RICTOR: variants seen among roughly 807,000 people sequenced by gnomAD.
RICTOR encodes RPTOR independent companion of MTOR complex 2.
In RICTOR, 49 loss-of-function variants were observed where a neutral mutation model predicts 214.9. That is an observed-to-expected ratio of 0.23 (90% CI 0.18 to 0.29). The LOEUF (loss-of-function observed/expected upper bound fraction) is 0.29. RICTOR is among the 10% of genes least tolerant of loss of function. RICTOR has a pLI of 1.00. For synonymous variants in RICTOR, 717 were observed against 711.3 expected (o/e 1.01, Z -0.13); for missense variants, 1,625 against 2,047.0 (o/e 0.79, Z 3.98).
chr5:39,004,782 T>TC (rs1242116955), intron 3 of RICTOR, among the ~76,000 whole-genome samples: 3 of 137,958 alleles, frequency 2.2e-5, no homozygotes, highest in African/African-American at 8.5e-5. Flanking sequence ...GACTCTTTTT[T>TC]TTTTTTTTTT....
At chr5:39,068,800 T>C (rs1759090749) in intron 2 of RICTOR, among the ~76,000 whole-genome samples, 1 of 152,172 alleles carries the variant, frequency 6.6e-6, no homozygotes, top group Non-Finnish European at 1.5e-5. Context: ...AAGCAGCAGA[T>C]CTCTAGCTTG....
intron 9 of RICTOR, among the ~76,000 whole-genome samples, chr5:38,977,444 A>G (rs1751330688): frequency 6.6e-6 from 1 of 152,186 alleles, no homozygotes; most frequent in Admixed American, 6.5e-5. Flanking sequence ...AGGGCCTTAC[A>G]AATTCCGATT....
chr5:38,973,888 C>A (rs777117278), intron 10 of RICTOR, among the ~76,000 whole-genome samples: 10 of 152,120 alleles, frequency 6.6e-5, no homozygotes, highest in Non-Finnish European at 1.3e-4. Flanking sequence ...AATAATGTTA[C>A]AAGTACACAA....
At chr5:39,003,106 C>T (rs1454590301) in intron 4 of RICTOR, among the ~76,000 whole-genome samples, 2 of 152,148 alleles carry the variant, frequency 1.3e-5, no homozygotes, top group East Asian at 3.9e-4. Flanking sequence ...CAATAGCAGG[C>T]ACAGACCTTT....
At chr5:39,070,691 C>T (rs1759257423) in intron 2 of RICTOR, among the ~76,000 whole-genome samples, 1 of 152,140 alleles carries the variant, frequency 6.6e-6, no homozygotes, top group Admixed American at 6.5e-5. Context: ...TGGGAATTCA[C>T]TTTGAACACA....
Position 38,946,521 on chromosome 5 carries a change from T to C in RICTOR, c.4346A>G (p.Asn1449Ser), listed in dbSNP as rs1748216066. The C allele has an allele frequency of 6.2e-7, 1 of 1,610,506 alleles. No homozygotes were observed. Among genetic ancestry groups the C allele is most frequent in the African/African-American group, 1.3e-5 (1 of 74,846 alleles). Residue 1449 changes from asparagine to serine, a missense_variant, in exon 33 of 38, where the codon AAC becomes AGC. Asn to Ser is a conservative substitution (Grantham distance 46). Around this residue, in one of 5 missense-constraint regions of RICTOR, gnomAD observed 1,214 missense variants for 1,470.5 expected, o/e 0.83. Coordinates refer to ENST00000357387, the MANE Select transcript of RICTOR (RefSeq NM_152756.5). The stretch of plus-strand genomic sequence containing the variant: ...ACCTCGATCATCATGTGGTGGTATG[T>C]TTTTTGTCTGAAAATAGGGAATATC... ...VKDIPYFQTK[N>S]IPPHDDRGAR...
At chr5:39,058,964 A>C (rs1758369913) in intron 2 of RICTOR, among the ~76,000 whole-genome samples, 1 of 152,146 alleles carries the variant, frequency 6.6e-6, no homozygotes, top group Admixed American at 6.5e-5. Context: ...GTTCAATGAA[A>C]AGTTCAGGCT....
chr5:38,949,377 G>A (rs747591332), intron 31 of RICTOR: 34 of 1,587,752 alleles, frequency 2.1e-5, no homozygotes, highest in South Asian at 1.7e-4. Flanking sequence ...GTTTGTTATT[G>A]TAGGTCTTAA....
intron 2 of RICTOR, among the ~76,000 whole-genome samples, chr5:39,064,725 G>T (rs1758779890): frequency 6.6e-6 from 1 of 152,148 alleles, no homozygotes; most frequent in Non-Finnish European, 1.5e-5. Context: ...AATTTAAAGT[G>T]CTATGAAATA....
At chr5:39,070,473 C>T (rs1014852091) in intron 2 of RICTOR, among the ~76,000 whole-genome samples, 1 of 150,850 alleles carries the variant, frequency 6.6e-6, no homozygotes, top group African/African-American at 2.5e-5. Context: ...GAGACTCCGT[C>T]TCAAATAAAA....
chr5:39,044,165 C>A (rs1441000928), intron 2 of RICTOR, among the ~76,000 whole-genome samples: 1 of 151,994 alleles, frequency 6.6e-6, no homozygotes, highest in African/African-American at 2.4e-5. Flanking sequence ...TTAAAATATA[C>A]CAAGCTCTGT....
At chr5:39,041,052 G>T (rs1326799431) in intron 2 of RICTOR, among the ~76,000 whole-genome samples, 2 of 152,216 alleles carry the variant, frequency 1.3e-5, no homozygotes, top group Non-Finnish European at 2.9e-5. Flanking sequence ...TCTGTTTACA[G>T]ATGCATCCTG....
At chr5:38,994,139 G>C (rs373819117) in intron 6 of RICTOR, among the ~76,000 whole-genome samples, 3 of 151,846 alleles carry the variant, frequency 2.0e-5, no homozygotes, top group African/African-American at 4.8e-5. Flanking sequence ...GCAGTGAGCC[G>C]AGATTGCACC....
intron 3 of RICTOR, among the ~76,000 whole-genome samples, chr5:39,008,336 A>T (rs1754232010): frequency 6.6e-6 from 1 of 152,136 alleles, no homozygotes; most frequent in Non-Finnish European, 1.5e-5. Context: ...GAATACACAC[A>T]GAAGTAACAA....
In RICTOR at chr5:38,989,668, C is replaced by T. The variant is rs1310331769; in HGVS notation, c.583+1281G>A. 2.0e-5 allele frequency among the ~76,000 whole-genome samples: 3 copies of T among 151,850 alleles called. No homozygotes were observed. In the South Asian group the frequency reaches 6.2e-4, roughly 32 times the overall value. ...AAACAAATTTACAAGAAAAAAACAA[C>T]CCCATCAAAAAGTGGGCAAAGGATA... On this transcript the variant is annotated intron_variant, in intron 7 of 37. Coordinates refer to ENST00000357387, the MANE Select transcript of RICTOR (RefSeq NM_152756.5).
At position 38,938,124 on chromosome 5, in the gene RICTOR, A is replaced by G; in HGVS notation, c.*4180T>C. The stretch of plus-strand genomic sequence containing the variant: ...ACTCAATGAAATATTCTTACAGAAA[A>G]AATATAAATACTTTTTCTTTCTATG... On this transcript the variant is annotated 3_prime_UTR_variant, in exon 38 of 38. Coordinates refer to ENST00000357387, the MANE Select transcript of RICTOR (RefSeq NM_152756.5). 9.5e-6 allele frequency: 2 copies of G among 211,560 alleles called. No individual in the cohort carries two copies. The highest frequency in any genetic ancestry group is 2.3e-5 in the African/African-American group (1 of 44,134). The allele number at this position is 211,560 out of a possible 1,614,324, so 13.1% of individuals were successfully genotyped here.
chr5:38,961,695 A>G (rs182055715), intron 19 of RICTOR, among the ~76,000 whole-genome samples: 73 of 152,242 alleles, frequency 4.8e-4, no homozygotes, highest in African/African-American at 1.6e-3. Flanking sequence ...TAAAACTTTT[A>G]TAGATATTAG....
rs749721864 is a variant in RICTOR, at chr5:38,962,908, G to C, written c.1534C>G (p.Leu512Val). The change falls in exon 17 of 38, where the codon CTC becomes GTC. Residue 512 changes from leucine (L) to valine (V), a missense_variant. Physicochemically the swap from Leu to Val is conservative, Grantham distance 32. Transcript: ENST00000357387. ...IATHQKRDQY[L>V]RVQKDIFILK... ...ATAAATATATCTTTCTGAACTCGGAGATACTGATCCCGTTTCTGGTGTGTT... is the reference window on the plus strand; with the variant it reads ...ATAAATATATCTTTCTGAACTCGGACATACTGATCCCGTTTCTGGTGTGTT... 1.8e-5 allele frequency: 29 copies of C among 1,612,706 alleles called. No individual in the cohort carries two copies. The highest frequency in any genetic ancestry group is 2.1e-5 in the Non-Finnish European group (25 of 1,179,014).
chr5:39,005,729 T>C (rs1051800522), intron 3 of RICTOR, among the ~76,000 whole-genome samples: 1 of 152,200 alleles, frequency 6.6e-6, no homozygotes, highest in Non-Finnish European at 1.5e-5. Context: ...TGCAAAGATT[T>C]GATGGTGTTA....
Sources: allele counts gnomAD v4.1 joint callset (sites outside exome capture counted in the v4.1 genomes callset), GRCh38; gene constraint gnomAD v4.1.1; regional missense constraint gnomAD v4.1.1; transcripts MANE v1.5; gene names NCBI Gene and HGNC (gene_info 2026-07-23, HGNC 2026-07-21).